The following PDE1A variants were observed in gnomAD, a reference collection of about 807,000 sequenced individuals.
PDE1A encodes the protein dual specificity calcium/calmodulin-dependent 3',5'-cyclic nucleotide phosphodiesterase 1A.
In PDE1A, 35 loss-of-function variants were observed where a neutral mutation model predicts 61.7. The ratio of observed to expected loss-of-function variants is 0.57; its 90% CI spans 0.43 to 0.75. The LOEUF (loss-of-function observed/expected upper bound fraction) is 0.75, where lower values mean the gene tolerates loss of function less well. Among genes scored for constraint, PDE1A ranks in the 30% least tolerant of loss-of-function variants. The pLI is 0.00. For synonymous variants in PDE1A, 232 were observed against 213.2 expected (o/e 1.09, Z -0.77); for missense variants, 597 against 630.6 (o/e 0.95, Z 0.57).
chr2:182,407,879 T>C (rs966343184), intron 1 of PDE1A, among the ~76,000 whole-genome samples: 2 of 152,184 alleles, frequency 1.3e-5, no homozygotes, highest in Non-Finnish European at 2.9e-5. Flanking sequence ...CATATGTACA[T>C]GTATGTATAT....
At chr2:182,271,050 C>T (rs1282977725) in intron 1 of PDE1A, among the ~76,000 whole-genome samples, 1 of 151,574 alleles carries the variant, frequency 6.6e-6, no homozygotes, top group Non-Finnish European at 1.5e-5. Flanking sequence ...ATTCCCCAAA[C>T]AATTTCTATA....
At chr2:182,609,702 C>T in the PDE1A span, among the ~76,000 whole-genome samples, 10 of 152,358 alleles carry the variant, frequency 6.6e-5, no homozygotes, top group East Asian at 1.7e-3. Context: ...CGAGGGTTCG[C>T]GGCTTCATTC....
the PDE1A span, among the ~76,000 whole-genome samples, chr2:182,592,030 G>T: frequency 6.6e-6 from 1 of 152,160 alleles, no homozygotes; most frequent in Non-Finnish European, 1.5e-5. Flanking sequence ...CTTGTGGTGG[G>T]TGTATGCCTG....
At chr2:182,262,239 T>TCTTC (rs1387897506) in intron 2 of PDE1A, among the ~76,000 whole-genome samples, 2 of 151,388 alleles carry the variant, frequency 1.3e-5, no homozygotes, top group Non-Finnish European at 2.9e-5. Context: ...TCTCTTTCTT[T>TCTTC]CTTCTTTTTT....
chr2:182,384,899 A>G (rs1700940742), intron 1 of PDE1A, among the ~76,000 whole-genome samples: 1 of 152,166 alleles, frequency 6.6e-6, no homozygotes, highest in East Asian at 1.9e-4. Context: ...ACTCAAAGAC[A>G]AGGAGAAGAC....
At chr2:182,578,249 T>C in the PDE1A span, among the ~76,000 whole-genome samples, 2 of 152,282 alleles carry the variant, frequency 1.3e-5, no homozygotes, top group South Asian at 4.2e-4. Flanking sequence ...TCCTCTTTTA[T>C]ACCTTATGTA....
the PDE1A span, among the ~76,000 whole-genome samples, chr2:182,650,074 G>A: frequency 6.6e-6 from 1 of 152,002 alleles, no homozygotes. Flanking sequence ...GTGATAGAGC[G>A]AGACTCTCTC....
At chr2:182,333,101 A>G (rs1697532185) in intron 1 of PDE1A, among the ~76,000 whole-genome samples, 1 of 152,200 alleles carries the variant, frequency 6.6e-6, no homozygotes, top group Non-Finnish European at 1.5e-5. Context: ...AGACATACAA[A>G]GAGATGTAAA....
At chr2:182,599,784 CA>C in the PDE1A span, among the ~76,000 whole-genome samples, 2 of 152,186 alleles carry the variant, frequency 1.3e-5, no homozygotes, top group Admixed American at 1.3e-4. Flanking sequence ...CAAGCCAACC[CA>C]AGCACATATC....
At chr2:182,554,721 A>G in the PDE1A span, among the ~76,000 whole-genome samples, 1 of 152,186 alleles carries the variant, frequency 6.6e-6, no homozygotes, top group Non-Finnish European at 1.5e-5. Flanking sequence ...TAATGTTATC[A>G]TTATTTTTAG....
intron 2 of PDE1A, among the ~76,000 whole-genome samples, chr2:182,453,114 C>G (rs897776280): frequency 6.6e-6 from 1 of 152,096 alleles, no homozygotes; most frequent in Admixed American, 6.6e-5. Flanking sequence ...AGTGACTTGA[C>G]GTATTTTTAT....
chr2:182,706,511 T>C, the PDE1A span, among the ~76,000 whole-genome samples: 1 of 152,014 alleles, frequency 6.6e-6, no homozygotes, highest in Non-Finnish European at 1.5e-5. Flanking sequence ...CTGGTTGAAA[T>C]GAGTAATATA....
At chr2:182,367,296 G>A (rs930463929) in intron 1 of PDE1A, among the ~76,000 whole-genome samples, 1 of 151,934 alleles carries the variant, frequency 6.6e-6, no homozygotes, top group Non-Finnish European at 1.5e-5. Context: ...CTTATGACTA[G>A]AATCACTAGA....
At chr2:182,171,873 C>T (rs1238241299) in intron 13 of PDE1A, among the ~76,000 whole-genome samples, 1 of 151,734 alleles carries the variant, frequency 6.6e-6, no homozygotes, top group Non-Finnish European at 1.5e-5. Flanking sequence ...AACATCCAAC[C>T]CAATACTCCC....
intron 10 of PDE1A, among the ~76,000 whole-genome samples, chr2:182,198,086 G>A (rs906901039): frequency 6.6e-6 from 1 of 151,730 alleles, no homozygotes; most frequent in East Asian, 1.9e-4. Context: ...AATGTTTTGT[G>A]GTTTGCAGTG....
intron 4 of PDE1A, among the ~76,000 whole-genome samples, chr2:182,231,418 C>T (rs937364263): frequency 6.6e-6 from 1 of 152,150 alleles, no homozygotes; most frequent in Non-Finnish European, 1.5e-5. Flanking sequence ...TCTTTAATCT[C>T]TCTCCAACTT....
intron 3 of PDE1A, among the ~76,000 whole-genome samples, chr2:182,239,275 A>T (rs1484440741): frequency 6.6e-6 from 1 of 152,136 alleles, no homozygotes; most frequent in Non-Finnish European, 1.5e-5. Context: ...TATTGGCAAA[A>T]TTTTTCTCTG....
At chr2:182,681,809 C>A in the PDE1A span, among the ~76,000 whole-genome samples, 2 of 152,010 alleles carry the variant, frequency 1.3e-5, no homozygotes, top group African/African-American at 4.8e-5. Context: ...CCTCGCCCAG[C>A]TAATTTTTTT....
the PDE1A span, among the ~76,000 whole-genome samples, chr2:182,677,326 T>C: frequency 2.0e-5 from 3 of 151,886 alleles, no homozygotes; most frequent in Admixed American, 2.0e-4. Context: ...AAGAATAAAA[T>C]ACCCAGGAAT....
Sources: allele counts gnomAD v4.1 joint callset (sites outside exome capture counted in the v4.1 genomes callset), GRCh38; gene constraint gnomAD v4.1.1; transcripts MANE v1.5; gene names NCBI Gene and HGNC (gene_info 2026-07-23, HGNC 2026-07-21).